Variants in PITPNM3 observed in about 807,000 individuals in gnomAD.
PITPNM3 encodes the protein PITPNM family member 3.
In PITPNM3, 26 loss-of-function variants were observed where a neutral mutation model predicts 102.0. The ratio of observed to expected loss-of-function variants is 0.25; its 90% confidence interval spans 0.19 to 0.35. The LOEUF (loss-of-function observed/expected upper bound fraction) is 0.35. PITPNM3 is among the 10% of genes least tolerant of loss of function. The pLI, the probability that PITPNM3 is intolerant of heterozygous loss-of-function variation, is 1.00. For synonymous variants in PITPNM3, 578 were observed against 558.6 expected, an observed-to-expected ratio of 1.03 and a Z score of -0.49; for missense variants, 1,083 against 1,346.1, an observed-to-expected ratio of 0.80 and a Z score of 3.06.
chr17:6,511,372 T>A lies in PITPNM3; in HGVS notation c.227-7798A>T, dbSNP rs188972916. Among the ~76,000 whole-genome samples the A allele has an allele frequency of 3.2e-4, 49 of 152,312 alleles. No homozygotes were observed. In the East Asian group the frequency reaches 8.1e-3, roughly 25 times the overall value. On this transcript the variant is annotated intron_variant, in intron 3 of 19. Transcript: ENST00000262483. ...TCCTCCAGATCCCTAGAAAATGACA[T>A]CAAGCATTTTTATGTGAATTAATCT... is the stretch of plus-strand genomic sequence containing the variant.
At chr17:6,466,668 G>A (rs1904786565) in intron 14 of PITPNM3, among the ~76,000 whole-genome samples, 2 of 152,192 alleles carry the variant, frequency 1.3e-5, no homozygotes, top group Non-Finnish European at 2.9e-5. Context: ...TACAGTCACT[G>A]TGGAAAACAG....
chr17:6,533,578 C>A (rs1909255483), intron 2 of PITPNM3, among the ~76,000 whole-genome samples: 1 of 152,006 alleles, frequency 6.6e-6, no homozygotes, highest in Non-Finnish European at 1.5e-5. Context: ...CCTCAGTCTC[C>A]TGAGTAGCTG....
Position 6,458,313 on chromosome 17 carries a change from C to T in PITPNM3, c.2491-591G>A, listed in dbSNP as rs775101492. Among the ~76,000 whole-genome samples, 3 of 152,248 alleles carry T rather than the reference C, an allele frequency of 2.0e-5. No individual in the cohort carries two copies. Among genetic ancestry groups the T allele is most frequent in the South Asian group, 2.1e-4 (1 of 4,822 alleles). ...AAACTACCTCCTCCTGTGAGGTGCT[C>T]GCCACCCAGCTGCCCCTCACTGTGT... is the stretch of plus-strand genomic sequence containing the variant. On this transcript the variant is annotated intron_variant, in intron 18 of 19. Coordinates refer to ENST00000262483, the MANE Select transcript of PITPNM3 (RefSeq NM_031220.4). The surrounding 1 kb of genome is among the most constrained non-coding windows in gnomAD (Gnocchi z 5.1).
chr17:6,476,961 G>A (rs780176657), intron 9 of PITPNM3, 68 bp downstream of exon 9: 64 of 1,562,398 alleles, frequency 4.1e-5, no homozygotes, highest in Non-Finnish European at 5.2e-5. Flanking sequence ...TGGGACATCT[G>A]ACTGGTCACA....
rs2150728815 is a variant in PITPNM3 at position 6,474,590 on chromosome 17, A to G, written c.1100T>C (p.Val367Ala). 1 of 1,571,594 alleles carries G rather than the reference A, an allele frequency of 6.4e-7. No individual in the cohort carries two copies. The highest frequency in any genetic ancestry group is 8.6e-7 in the Non-Finnish European group (1 of 1,159,084). The change falls in exon 10 of 20, where the codon GTG (valine) becomes GCG (alanine). Residue 367 changes from valine to alanine, a missense_variant. Physicochemically the swap from Val to Ala is moderately conservative, Grantham distance 64. Coordinates refer to ENST00000262483, the MANE Select transcript of PITPNM3 (RefSeq NM_031220.4). ...HAFLSSIHSS[V>A]LKDESETPAA... Reference sequence around the variant, plus strand: ...CGGGGTCTCAGACTCATCCTTTAGCACGCTGGAGTGGATGCTGCGGAGGGA... The same window carrying G: ...CGGGGTCTCAGACTCATCCTTTAGCGCGCTGGAGTGGATGCTGCGGAGGGA...
chr17:6,473,138 C>T (rs536294142), intron 10 of PITPNM3: 10 of 421,360 alleles, frequency 2.4e-5, no homozygotes, highest in Non-Finnish European at 3.1e-5. Context: ...CCCATTTCCA[C>T]GGGGCAACTC....
chr17:6,461,450 T>C lies in PITPNM3; in HGVS notation c.2413A>G (p.Met805Val). The part of the protein sequence containing the change: ...WLSQHNFPQG[M>V]IFFSDGLVHD... ...ACCAGCCCATCGGAGAAGAAGATCA[T>C]GCCCTGTGGGAAGTTGTGCTGGGAC... Residue 805 changes from methionine to valine, a missense_variant, in exon 18 of 20, where the codon ATG becomes GTG. Physicochemically the swap from Met to Val is conservative, Grantham distance 21 (BLOSUM62 1). This residue lies in a region of PITPNM3 where 410 missense variants were observed against 638.4 expected (regional missense o/e 0.64). Coordinates refer to ENST00000262483, the MANE Select transcript of PITPNM3 (RefSeq NM_031220.4). 1.9e-6 allele frequency: 3 copies of C among 1,614,172 alleles called. No individual in the cohort carries two copies. Among genetic ancestry groups the C allele is most frequent in the East Asian group, 2.2e-5 (1 of 44,880 alleles).
chr17:6,532,518 C>T (rs1457281189), intron 2 of PITPNM3, among the ~76,000 whole-genome samples: 3 of 152,190 alleles, frequency 2.0e-5, no homozygotes, highest in East Asian at 1.9e-4. Context: ...CCCAGGCGAC[C>T]GCTGATCTGC....
chr17:6,505,534 G>A (rs1033220415), intron 3 of PITPNM3, among the ~76,000 whole-genome samples: 16 of 152,192 alleles, frequency 1.1e-4, no homozygotes, highest in Admixed American at 6.5e-5. Flanking sequence ...CTGTTTCCCA[G>A]GTGCAACAGC....
chr17:6,471,558 C>A (rs1210838044), intron 11 of PITPNM3, among the ~76,000 whole-genome samples: 1 of 152,224 alleles, frequency 6.6e-6, no homozygotes, highest in African/African-American at 2.4e-5. Context: ...CCCGCTGCCA[C>A]CGCATATTGC....
At chr17:6,539,244 C>T (rs1355478980) in intron 1 of PITPNM3, among the ~76,000 whole-genome samples, 2 of 152,154 alleles carry the variant, frequency 1.3e-5, no homozygotes, top group Non-Finnish European at 2.9e-5. Flanking sequence ...GTTCCACCCT[C>T]GGGCCCTGGA....
rs779013868 is a variant in PITPNM3 at position 6,483,608 on chromosome 17, G to C, written c.496C>G (p.Arg166Gly). Residue 166 changes from arginine (R) to glycine (G), a missense_variant, in exon 6 of 20, where the codon CGA becomes GGA. Physicochemically the swap from Arg to Gly is moderately radical, Grantham distance 125 (BLOSUM62 -2). Coordinates refer to ENST00000262483, the MANE Select transcript of PITPNM3 (RefSeq NM_031220.4). ...TFSSVLEKVTRAHFPAALGHI... is the reference protein window; with the variant it reads ...TFSSVLEKVTGAHFPAALGHI... Reference sequence around the variant, plus strand: ...CCCAGGGCAGCAGGGAAATGGGCTCGTGTGACCTTCTCCAGCACGGAGCTG... The same window carrying C: ...CCCAGGGCAGCAGGGAAATGGGCTCCTGTGACCTTCTCCAGCACGGAGCTG... 6 of 1,614,100 alleles carry C rather than the reference G, an allele frequency of 3.7e-6. No individual in the cohort carries two copies. The South Asian group carries it at 4.4e-5, about 12-fold the overall frequency.
At position 6,470,108 on chromosome 17, in the gene PITPNM3, C is replaced by G. The variant is rs1193006176; in HGVS notation, c.1773+152G>C. The G allele has an allele frequency of 2.8e-5, 25 of 894,098 alleles. No homozygotes were observed. In the Middle Eastern group the frequency reaches 9.9e-4, roughly 35 times the overall value. The allele number at this position is 894,098 out of a possible 1,614,324, so 55.4% of individuals were successfully genotyped here. A position where few individuals can be genotyped will look rare whatever the true frequency, so the allele number is the denominator to read the frequency against. On this transcript the variant is annotated intron_variant, in intron 13 of 19. Coordinates refer to ENST00000262483, the MANE Select transcript of PITPNM3 (RefSeq NM_031220.4). This position sits in a 1 kb window ranked among gnomAD's most constrained non-coding sequence, Gnocchi z 4.8. ...CATTCTCTGGTCATGTCACTCCCCACTCACGTAGGTGCTCCAATGCCTTCC... is the reference window on the plus strand; with the variant it reads ...CATTCTCTGGTCATGTCACTCCCCAGTCACGTAGGTGCTCCAATGCCTTCC...
At chr17:6,481,926 T>A (rs1905724666) in intron 6 of PITPNM3, 1 of 116,128 alleles carries the variant, frequency 8.6e-6, no homozygotes. Context: ...TTGTCCACAG[T>A]TCCTGGCTCC....
intron 1 of PITPNM3, among the ~76,000 whole-genome samples, chr17:6,551,436 TG>T (rs1910295118): frequency 6.6e-6 from 1 of 152,128 alleles, no homozygotes; most frequent in Non-Finnish European, 1.5e-5. Flanking sequence ...ACCTTCCCAT[TG>T]GGGACCAAAG....
intron 3 of PITPNM3, among the ~76,000 whole-genome samples, chr17:6,516,382 C>T (rs936924827): frequency 6.6e-5 from 10 of 150,740 alleles, no homozygotes; most frequent in Non-Finnish European, 1.2e-4. Context: ...GCTAACATGG[C>T]GAAACCCCGT....
chr17:6,503,435 A>T, intron 4 of PITPNM3, 92 bp downstream of exon 4: 1 of 1,413,550 alleles, frequency 7.1e-7, no homozygotes, highest in South Asian at 1.2e-5. Context: ...CCATCCTTTC[A>T]GGCTCTGAGT....
intron 1 of PITPNM3, among the ~76,000 whole-genome samples, chr17:6,548,455 G>C (rs1472884530): frequency 6.6e-6 from 1 of 152,182 alleles, no homozygotes; most frequent in Admixed American, 6.5e-5. Flanking sequence ...GATGACTCTA[G>C]AGTTGCTCGG....
At chr17:6,471,109 G>A (rs1597367615) in intron 12 of PITPNM3, 52 bp downstream of exon 12, 1 of 1,598,950 alleles carries the variant, frequency 6.3e-7, no homozygotes, top group Non-Finnish European at 8.5e-7. Context: ...ACACCCAGAG[G>A]AAGGTTCCCC....
Sources: gnomAD v4.1 joint callset for allele counts (sites outside exome capture counted in the v4.1 genomes callset) on GRCh38, gnomAD v4.1.1 for gene constraint, gnomAD v4.1.1 regional missense constraint, Gnocchi (gnomAD v3.1) non-coding constraint, MANE v1.5 for transcripts, NCBI Gene and HGNC (gene_info 2026-07-23, HGNC 2026-07-21) for gene names.